The following LRRIQ1 variants were observed in gnomAD, a reference collection of about 807,000 sequenced individuals.
The protein encoded by LRRIQ1 is leucine-rich repeat- and IQ domain-containing protein 1.
LRRIQ1 carries 210 observed loss-of-function variants against 211.9 expected under a neutral mutation model. The observed-to-expected ratio is 0.99, with a 90% confidence interval of 0.89 to 1.11. The LOEUF (loss-of-function observed/expected upper bound fraction) is 1.11. LRRIQ1 is among the 50% of genes most tolerant of loss of function. LRRIQ1 has a pLI of 0.00. For synonymous variants in LRRIQ1, 699 were observed against 650.1 expected (o/e 1.08, Z -1.14); for missense variants, 2,136 against 1,939.5 (o/e 1.10, Z -1.90).
At chr12:85,197,266 G>C (rs1394910687) in intron 24 of LRRIQ1, among the ~76,000 whole-genome samples, 1 of 151,524 alleles carries the variant, frequency 6.6e-6, no homozygotes, top group Non-Finnish European at 1.5e-5. Flanking sequence ...GGAAGTCAGT[G>C]TGGCGATTCC....
intron 26 of LRRIQ1, among the ~76,000 whole-genome samples, chr12:85,239,462 GA>G (rs56677464): frequency 0.16 from 23,862 of 151,148 alleles, 4,382 homozygotes; most frequent in African/African-American, 0.45. Flanking sequence ...TCTATCAATG[GA>G]AAGTATAGGG....
intron 6 of LRRIQ1, among the ~76,000 whole-genome samples, chr12:85,048,949 G>C (rs1879974316): frequency 6.6e-6 from 1 of 152,130 alleles, no homozygotes. Flanking sequence ...GCATTCAGCT[G>C]TGTGCTTAGA....
At chr12:85,246,250 TTTAAA>T (rs1312234530), downstream of LRRIQ1, among the ~76,000 whole-genome samples, 1 of 151,200 alleles carries the variant, frequency 6.6e-6, no homozygotes, top group Admixed American at 6.6e-5. Context: ...ATATTTTAAG[TTTAAA>T]TTATTCACCT....
At chr12:85,097,035 G>T (rs1043286251) in intron 11 of LRRIQ1, among the ~76,000 whole-genome samples, 3 of 152,036 alleles carry the variant, frequency 2.0e-5, no homozygotes, top group Admixed American at 1.3e-4. Context: ...CCTTTACTTT[G>T]AGCCTATATG....
chr12:85,113,982 G>A (rs359991), intron 15 of LRRIQ1, among the ~76,000 whole-genome samples: 2,534 of 148,738 alleles, frequency 0.017, 68 homozygotes, highest in African/African-American at 0.059. Context: ...GACCTTTCGT[G>A]CACTGGGTAT....
chr12:85,098,425 T>A lies in LRRIQ1; in HGVS notation c.2958T>A (p.Gly986=). ...LDHNQLINTK[G]LCDTPTIVYL... is the part of the protein sequence containing the mutation. The stretch of plus-strand genomic sequence containing the variant: ...ACAATCAGTTAATTAATACAAAAGG[T>A]CTTTGTGATACACCTACCATTGTAT... Residue 986 remains glycine, a synonymous_variant, in exon 12 of 27, where the codon GGT becomes GGA. Coordinates refer to ENST00000393217, the MANE Select transcript of LRRIQ1 (RefSeq NM_001079910.2). 1.2e-6 allele frequency: 2 copies of A among 1,610,628 alleles called. No homozygotes were observed. The highest frequency in any genetic ancestry group is 1.7e-6 in the Non-Finnish European group (2 of 1,177,908).
intron 24 of LRRIQ1, among the ~76,000 whole-genome samples, chr12:85,167,985 T>C (rs1344528774): frequency 6.6e-6 from 1 of 152,140 alleles, no homozygotes; most frequent in Non-Finnish European, 1.5e-5. Context: ...AGTCAATAAA[T>C]TTTATGGCAC....
chr12:85,066,764 C>A lies in LRRIQ1; in HGVS notation c.2561C>A (p.Ala854Asp), dbSNP rs147534931. The A allele has an allele frequency of 5.0e-5, 80 of 1,593,072 alleles. No homozygotes were observed. The highest frequency in any genetic ancestry group is 6.6e-5 in the Non-Finnish European group (77 of 1,171,728). ...TTGCTTCAGGAAAACCATATTGAGG[C>A]TATTGAGTGTGAAAATTTGGAAAAT... The part of the protein sequence containing the change: ...YIDAQENHIE[A>D]IECENLENLC... Residue 854 changes from alanine (A) to aspartate (D), a missense_variant, in exon 10 of 27, where the codon GCT (alanine) becomes GAT (aspartate). By Grantham distance (126) the Ala-to-Asp change is moderately radical (BLOSUM62 -2). Transcript: ENST00000393217.
chr12:85,184,154 G>A (rs1892118046), intron 24 of LRRIQ1, among the ~76,000 whole-genome samples: 2 of 151,998 alleles, frequency 1.3e-5, no homozygotes, highest in South Asian at 4.1e-4. Context: ...AGAAGTAGAA[G>A]ACAGTTCGAC....
chr12:85,048,622 C>T (rs1229402231), intron 6 of LRRIQ1: 1 of 151,116 alleles, frequency 6.6e-6, no homozygotes, highest in African/African-American at 2.4e-5. Context: ...TATTGTAGAA[C>T]CAGTTATGCC....
rs1223284584 is a variant in LRRIQ1 at position 85,153,159 on chromosome 12, T to A, written c.4541+14T>A. On this transcript the variant is annotated intron_variant, in intron 21 of 26. Coordinates refer to ENST00000393217, the MANE Select transcript of LRRIQ1 (RefSeq NM_001079910.2). The stretch of plus-strand genomic sequence containing the variant: ...ATTTAATAGCAGGTAAGCTAAACTA[T>A]TGTTTTAGAGAATCAACTTGTGAAT... The A allele has an allele frequency of 6.3e-7, 1 of 1,578,500 alleles. No individual in the cohort carries two copies. Among genetic ancestry groups the A allele is most frequent in the Admixed American group, 1.8e-5 (1 of 54,876 alleles).
intron 26 of LRRIQ1, among the ~76,000 whole-genome samples, chr12:85,236,702 T>A (rs556572793): frequency 2.0e-5 from 3 of 151,390 alleles, no homozygotes; most frequent in Non-Finnish European, 4.4e-5. Flanking sequence ...TGCAAGCCCG[T>A]TCTTGGAGGA....
chr12:85,084,951 A>G (rs144717722), intron 11 of LRRIQ1, among the ~76,000 whole-genome samples: 33 of 152,132 alleles, frequency 2.2e-4, no homozygotes, highest in African/African-American at 6.7e-4. Flanking sequence ...AAGTACAATG[A>G]TTTATAAAGT....
chr12:85,168,602 T>C (rs1891264917), intron 24 of LRRIQ1, among the ~76,000 whole-genome samples: 1 of 152,106 alleles, frequency 6.6e-6, no homozygotes, highest in Admixed American at 6.5e-5. Context: ...CTAGGGGTGA[T>C]GGTGAGTGGT....
intron 26 of LRRIQ1, among the ~76,000 whole-genome samples, chr12:85,238,565 G>A: frequency 6.6e-6 from 1 of 151,374 alleles, no homozygotes; most frequent in Non-Finnish European, 1.5e-5. Context: ...AGAAGAAAGT[G>A]GAAGAAAAAA....
chr12:85,173,401 A>T lies in LRRIQ1; in HGVS notation c.4822+12687A>T, dbSNP rs548604530. 3.5e-4 allele frequency among the ~76,000 whole-genome samples: 54 copies of T among 152,282 alleles called. No individual in the cohort carries two copies. The South Asian group carries it at 0.01, about 29-fold the overall frequency. ...TAGTGAGCTCATGCTCCCATAACAAAATACCATAGTCTGGGTGCCTTAGAG... is the reference window on the plus strand; with the variant it reads ...TAGTGAGCTCATGCTCCCATAACAATATACCATAGTCTGGGTGCCTTAGAG... On this transcript the variant is annotated intron_variant, in intron 24 of 26. Transcript: ENST00000393217.
At position 85,056,901 on chromosome 12, in the gene LRRIQ1, C is replaced by G; in HGVS notation, c.2108C>G (p.Ser703Cys). The stretch of plus-strand genomic sequence containing the variant: ...TCCATGGTATCTAAAGAAGTCAACT[C>G]TCTTAAATCTGAGATTAGAAATATT... ...ESSMVSKEVN[S>C]LKSEIRNISE... is the part of the protein sequence containing the mutation. Residue 703 changes from serine to cysteine, a missense_variant, in exon 8 of 27, where the codon TCT (serine) becomes TGT (cysteine). Ser to Cys is a moderately radical substitution (Grantham distance 112, BLOSUM62 -1). Coordinates refer to ENST00000393217, the MANE Select transcript of LRRIQ1 (RefSeq NM_001079910.2). 1 of 1,613,218 alleles carries G rather than the reference C, an allele frequency of 6.2e-7. No individual in the cohort carries two copies. The highest frequency in any genetic ancestry group is 8.5e-7 in the Non-Finnish European group (1 of 1,179,524).
intron 24 of LRRIQ1, among the ~76,000 whole-genome samples, chr12:85,181,073 C>T (rs894601569): frequency 3.5e-5 from 2 of 56,600 alleles, no homozygotes; most frequent in African/African-American, 3.2e-4. Context: ...ATCAGTCACA[C>T]TTCTGGCATT....
intron 24 of LRRIQ1, among the ~76,000 whole-genome samples, chr12:85,196,674 A>G (rs1892932582): frequency 6.6e-6 from 1 of 152,170 alleles, no homozygotes; most frequent in African/African-American, 2.4e-5. Flanking sequence ...ACAAAAATCA[A>G]TTCGAGATGG....
Sources: gnomAD v4.1 joint callset for allele counts (sites outside exome capture counted in the v4.1 genomes callset) on GRCh38, gnomAD v4.1.1 for gene constraint, MANE v1.5 for transcripts, NCBI Gene and HGNC (gene_info 2026-07-23, HGNC 2026-07-21) for gene names.